ALMS1: variants seen among roughly 807,000 people sequenced by gnomAD.
ALMS1 encodes centrosome-associated protein ALMS1.
Under a neutral mutation model 352.2 loss-of-function variants are expected in ALMS1, and 271 were observed. The observed-to-expected ratio is 0.77, with a 90% CI of 0.70 to 0.85. The LOEUF (loss-of-function observed/expected upper bound fraction) is 0.85. ALMS1 is among the 40% of genes least tolerant of loss of function. The pLI, the probability that ALMS1 is intolerant of heterozygous loss-of-function variation, is 0.00. For synonymous variants in ALMS1, 1,865 were observed against 1,761.2 expected, an observed-to-expected ratio of 1.06 and a Z score of -1.48; for missense variants, 5,445 against 4,870.7, an observed-to-expected ratio of 1.12 and a Z score of -3.51.
At chr2:73,410,851 CTT>C (rs1671062833) in intron 2 of ALMS1, among the ~76,000 whole-genome samples, 1 of 152,028 alleles carries the variant, frequency 6.6e-6, no homozygotes, top group African/African-American at 2.4e-5. Context: ...TGATTAATAA[CTT>C]GAGTATCAGA....
chr2:73,575,749 A>G lies in ALMS1; in HGVS notation c.11547+2325A>G, dbSNP rs569311448. 7.9e-5 allele frequency among the ~76,000 whole-genome samples: 12 copies of G among 152,214 alleles called. No individual in the cohort carries two copies. In the South Asian group the frequency reaches 2.5e-3, roughly 32 times the overall value. On this transcript the variant is annotated intron_variant, in intron 16 of 22. Transcript: ENST00000613296. ...TCTCTTGTTAGATACATGATCTGCA[A>G]ATATTTTCTCCCATTTTGTAGGTTG... is the stretch of plus-strand genomic sequence containing the variant.
chr2:73,398,187 G>T (rs1251477856), intron 1 of ALMS1, among the ~76,000 whole-genome samples: 1 of 152,108 alleles, frequency 6.6e-6, no homozygotes, highest in African/African-American at 2.4e-5. Flanking sequence ...CTGTTTCTGG[G>T]TTCATTGTTT....
chr2:73,429,657 C>A (rs746693571), intron 6 of ALMS1, among the ~76,000 whole-genome samples: 1 of 152,114 alleles, frequency 6.6e-6, no homozygotes, highest in Non-Finnish European at 1.5e-5. Context: ...CCTTAGATTT[C>A]TTTTCTCTCC....
At chr2:73,437,950 T>G (rs1671638324) in intron 7 of ALMS1, among the ~76,000 whole-genome samples, 1 of 151,962 alleles carries the variant, frequency 6.6e-6, no homozygotes, top group Non-Finnish European at 1.5e-5. Context: ...CCTACAGAAA[T>G]AAAAAAAATC....
At chr2:73,493,851 G>A (rs1182654080) in intron 10 of ALMS1, among the ~76,000 whole-genome samples, 1 of 152,202 alleles carries the variant, frequency 6.6e-6, no homozygotes, top group African/African-American at 2.4e-5. Flanking sequence ...GAGAGTTTCT[G>A]TATTATCTAT....
Position 73,385,951 on chromosome 2 carries a change from A to G in ALMS1, c.83A>G (p.Glu28Gly). 2.3e-6 allele frequency: 3 copies of G among 1,326,350 alleles called. No individual in the cohort carries two copies. Among genetic ancestry groups the G allele is most frequent in the Non-Finnish European group, 3.2e-6 (3 of 945,584 alleles). The allele number at this position is 1,326,350 out of a possible 1,614,324, so 82.2% of individuals were successfully genotyped here. A position where few individuals can be genotyped will look rare whatever the true frequency, so the allele number is the denominator to read the frequency against. ...EEEEEEEEEEEAAAAAAANVD... is the reference protein window; with the variant it reads ...EEEEEEEEEEGAAAAAAANVD... ...GAGGAGGAGGAGGAGGAAGAGGAGGAGGCTGCAGCGGCGGCGGCGGCGAAC... is the reference window on the plus strand; with the variant it reads ...GAGGAGGAGGAGGAGGAAGAGGAGGGGGCTGCAGCGGCGGCGGCGGCGAAC... Residue 28 changes from glutamate to glycine, a missense_variant, in exon 1 of 23, where the codon GAG (glutamate) becomes GGG (glycine). Physicochemically the swap from Glu to Gly is moderately conservative, Grantham distance 98. Transcript: ENST00000613296.
intron 15 of ALMS1, among the ~76,000 whole-genome samples, chr2:73,565,775 G>C (rs1674789762): frequency 6.6e-6 from 1 of 152,128 alleles, no homozygotes; most frequent in Non-Finnish European, 1.5e-5. Context: ...CATAACCCCA[G>C]TCTAATGAGA....
intron 15 of ALMS1, among the ~76,000 whole-genome samples, chr2:73,564,465 C>CAAAA (rs367797062): frequency 3.2e-5 from 2 of 63,354 alleles, no homozygotes; most frequent in African/African-American, 5.3e-5. Context: ...GACTCCGTCT[C>CAAAA]AAAAAAAAAA....
intron 16 of ALMS1, among the ~76,000 whole-genome samples, chr2:73,576,356 G>A (rs1033243830): frequency 6.6e-5 from 10 of 151,930 alleles, no homozygotes; most frequent in African/African-American, 2.4e-4. Flanking sequence ...TACCATATGT[G>A]CAATTTCTTT....
In ALMS1 at chr2:73,607,123, C is replaced by T. The variant is rs559247485; in HGVS notation, c.12363-1352C>T. 5.9e-5 allele frequency among the ~76,000 whole-genome samples: 9 copies of T among 152,208 alleles called. No individual in the cohort carries two copies. In the South Asian group the frequency reaches 1.0e-3, roughly 18 times the overall value. On this transcript the variant is annotated intron_variant, in intron 21 of 22. Coordinates refer to ENST00000613296, the MANE Select transcript of ALMS1 (RefSeq NM_001378454.1). ...GAGGATGGGAATTTTTGGTGGGAGG[C>T]GTGGGAATTTTGCAGAGACCTGCAT...
intron 7 of ALMS1, among the ~76,000 whole-genome samples, chr2:73,436,420 T>C (rs1447005493): frequency 1.3e-5 from 2 of 152,226 alleles, no homozygotes; most frequent in Admixed American, 1.3e-4. Context: ...TAATATCTTT[T>C]GTCTAATTTG....
chr2:73,520,081 T>C, intron 11 of ALMS1, 65 bp downstream of exon 11: 6 of 1,603,852 alleles, frequency 3.7e-6, no homozygotes, highest in Non-Finnish European at 1.7e-6. Flanking sequence ...TCTTAGAAAT[T>C]TGTGGTTGTG....
chr2:73,574,310 A>C (rs1458364963), intron 16 of ALMS1, among the ~76,000 whole-genome samples: 1 of 152,146 alleles, frequency 6.6e-6, no homozygotes, highest in African/African-American at 2.4e-5. Context: ...CAAGAGGAAA[A>C]TTTCAAGTAT....
intron 9 of ALMS1, among the ~76,000 whole-genome samples, chr2:73,460,323 C>T (rs1439000080): frequency 6.6e-6 from 1 of 152,030 alleles, no homozygotes; most frequent in East Asian, 1.9e-4. Context: ...AGGATGATAC[C>T]TTCAGTGTGC....
Position 73,609,676 on chromosome 2 carries a change from T to TA in ALMS1, c.*65dup, listed in dbSNP as rs1294134302. The TA allele has an allele frequency of 8.1e-6, 12 of 1,486,718 alleles. No homozygotes were observed. Among genetic ancestry groups the TA allele is most frequent in the Middle Eastern group, 1.7e-4 (1 of 5,856 alleles). The allele number at this position is 1,486,718 out of a possible 1,614,324, so 92.1% of individuals were successfully genotyped here. ...TATGAACCTAGAGAAGCAGAATCCT[T>TA]ACTTTTGTGAGTCTGGTTGAATAAA... is the stretch of plus-strand genomic sequence containing the variant. On this transcript the variant is annotated 3_prime_UTR_variant, in exon 23 of 23. Coordinates refer to ENST00000613296, the MANE Select transcript of ALMS1 (RefSeq NM_001378454.1).
rs1675680915 is a variant in ALMS1, at chr2:73,601,301, G to A, written c.11979G>A (p.Lys3993=). ...PGISWFEPIT[K]TRPWREPLRE... ...TCTCCTGGTTTGAACCAATAACCAA[G>A]ACCAGACCCTGGAGGGAGCCACTGC... The change falls in exon 19 of 23, where the codon AAG becomes AAA. Residue 3993 remains lysine, a synonymous_variant. Coordinates refer to ENST00000613296, the MANE Select transcript of ALMS1 (RefSeq NM_001378454.1). 6.2e-7 allele frequency: 1 copy of A among 1,614,084 alleles called. No homozygotes were observed. The highest frequency in any genetic ancestry group is 1.1e-5 in the South Asian group (1 of 91,082).
chr2:73,414,999 C>T (rs1272586083), intron 2 of ALMS1, among the ~76,000 whole-genome samples: 4 of 152,080 alleles, frequency 2.6e-5, no homozygotes, highest in African/African-American at 9.7e-5. Context: ...AGTTTTCAAC[C>T]TCTGCTTGAA....
At chr2:73,480,284 A>T (rs1346375724) in intron 9 of ALMS1, among the ~76,000 whole-genome samples, 1 of 150,820 alleles carries the variant, frequency 6.6e-6, no homozygotes, top group African/African-American at 2.4e-5. Flanking sequence ...TGTCCATGTG[A>T]TCTCATTGTT....
At position 73,424,377 on chromosome 2, in the gene ALMS1, A is replaced by G. The variant is rs1671337655; in HGVS notation, c.765-53A>G. The G allele has an allele frequency of 1.4e-5, 17 of 1,228,258 alleles. 1 individual carries two copies. The South Asian group carries it at 3.0e-4, about 21-fold the overall frequency. 76.1% of individuals were successfully genotyped at this position (1,228,258 alleles called of 1,614,324 possible). A position where few individuals can be genotyped will look rare whatever the true frequency, so the allele number is the denominator to read the frequency against. ...TGTATTTTTGTGTTAGTACTTAAAA[A>G]TTAAATGTTTTTAATGTTATTTATT... On this transcript the variant is annotated intron_variant, in intron 4 of 22. Transcript: ENST00000613296.
Sources: gnomAD v4.1 joint callset for allele counts (sites outside exome capture counted in the v4.1 genomes callset) on GRCh38, gnomAD v4.1.1 for gene constraint, MANE v1.5 for transcripts, NCBI Gene and HGNC (gene_info 2026-07-23, HGNC 2026-07-21) for gene names.